Variants in ULK1 observed in about 807,000 individuals in gnomAD.
ULK1 encodes unc-51 like autophagy activating kinase 1.
A neutral mutation model predicts 117.5 loss-of-function variants in ULK1; 48 were observed. The ratio of observed to expected loss-of-function variants is 0.41; its 90% CI spans 0.32 to 0.52. The LOEUF is 0.52. ULK1 is among the 20% of genes least tolerant of loss of function. The probability of loss-of-function intolerance (pLI) is 0.29; values close to 1 mark genes in which losing one functional copy is unlikely to be tolerated. For missense variants in ULK1, 1,387 were observed against 1,473.4 expected, an observed-to-expected ratio of 0.94 and a Z score of 0.96; for synonymous variants, 790 against 637.8, an observed-to-expected ratio of 1.24 and a Z score of -3.60.
At chr12:131,918,724 G>C in intron 23 of ULK1, 43 bp downstream of exon 23, 1 of 1,269,232 alleles carries the variant, frequency 7.9e-7, no homozygotes, top group Non-Finnish European at 1.0e-6. Flanking sequence ...TGGCTGGAGG[G>C]TGTGTGGGGT....
At chr12:131,918,320 G>A (rs1446771250) in intron 22 of ULK1, 177 bp from the exon 23 acceptor site, 5 of 757,542 alleles carry the variant, frequency 6.6e-6, no homozygotes, top group African/African-American at 1.8e-5. Flanking sequence ...GTGGCAAGAG[G>A]TTGAGGAGTG....
In ULK1 at chr12:131,903,794, G is replaced by A. The variant is rs1289422019; in HGVS notation, c.247-3098G>A. On this transcript the variant is annotated intron_variant, in intron 3 of 27. Transcript: ENST00000321867. The surrounding 1 kb of genome is among the most constrained non-coding windows in gnomAD (Gnocchi z 6.0). Reference sequence around the variant, plus strand: ...GCAGGGAAGAGGCTGGAGGTGCTTCGGTCCCACAGCCCCCTGCCCACTCCC... The same window carrying A: ...GCAGGGAAGAGGCTGGAGGTGCTTCAGTCCCACAGCCCCCTGCCCACTCCC... Among the ~76,000 whole-genome samples, 1 of 152,080 alleles carries A rather than the reference G, an allele frequency of 6.6e-6. No homozygotes were observed. The highest frequency in any genetic ancestry group is 1.5e-5 in the Non-Finnish European group (1 of 67,998).
intron 3 of ULK1, chr12:131,898,367 C>A (rs998089548): frequency 6.6e-6 from 1 of 152,154 alleles, no homozygotes; most frequent in Admixed American, 6.5e-5. Context: ...AATGGACCTC[C>A]GGAGAGGCAA....
chr12:131,897,752 A>G (rs1888932384), intron 3 of ULK1: 1 of 149,862 alleles, frequency 6.7e-6, no homozygotes, highest in Non-Finnish European at 1.5e-5. Context: ...AGAAAAAAAA[A>G]GAAAAAAAAT....
rs771972568 is a variant in ULK1 at position 131,916,946 on chromosome 12, C to T, written c.2073-7C>T. The T allele has an allele frequency of 6.2e-7, 1 of 1,608,844 alleles. No individual in the cohort carries two copies. Among genetic ancestry groups the T allele is most frequent in the African/African-American group, 1.3e-5 (1 of 74,880 alleles). Reference sequence around the variant, plus strand: ...GGCACCCAGCACAGCCCTGCACACTCCCACAGGTCTTTCAGCACCAGCCGC... The same window carrying T: ...GGCACCCAGCACAGCCCTGCACACTTCCACAGGTCTTTCAGCACCAGCCGC... On this transcript the variant is annotated splice_polypyrimidine_tract_variant and splice_region_variant and intron_variant, in intron 20 of 27. Transcript: ENST00000321867.
intron 3 of ULK1, among the ~76,000 whole-genome samples, chr12:131,900,451 G>A (rs1490470185): frequency 6.6e-6 from 1 of 152,246 alleles, no homozygotes; most frequent in African/African-American, 2.4e-5. Flanking sequence ...GCCGCTGGGA[G>A]GCGGCTGGAG....
Position 131,895,095 on chromosome 12 carries a change from A to T in ULK1, c.94A>T (p.Lys32Ter). The T allele has an allele frequency of 6.4e-7, 1 of 1,562,554 alleles. No homozygotes were observed. The highest frequency in any genetic ancestry group is 8.6e-7 in the Non-Finnish European group (1 of 1,163,046). ...IGHGAFAVVF[K>*]GRHREKHDLE... ...CCACGGCGCCTTCGCGGTGGTCTTC[A>T]AGGGCCGCCACCGCGAGGTGAGGCC... Residue 32 changes from lysine (K) to a stop codon, truncating the protein, a stop_gained, in exon 1 of 28, where the codon AAG becomes TAG. Transcript: ENST00000321867. LOFTEE classifies it high-confidence loss of function.
At position 131,922,362 on chromosome 12, in the gene ULK1, A is replaced by AC; in HGVS notation, c.*1004dup. The AC allele has an allele frequency of 3.9e-6, 1 of 253,824 alleles. No individual in the cohort carries two copies. 15.7% of individuals were successfully genotyped at this position (253,824 alleles called of 1,614,324 possible). A position where few individuals can be genotyped will look rare whatever the true frequency, so the allele number is the denominator to read the frequency against. ...GCAGCAGGACAGGTGTGTGCCCAGC[A>AC]CCCTCCCTACCTGGGCCTGGAAGCA... On this transcript the variant is annotated 3_prime_UTR_variant, in exon 28 of 28. Coordinates refer to ENST00000321867, the MANE Select transcript of ULK1 (RefSeq NM_003565.4).
Position 131,921,142 on chromosome 12 carries a change from G to T in ULK1, c.3004G>T (p.Gly1002Cys). 1.2e-6 allele frequency: 2 copies of T among 1,603,642 alleles called. No homozygotes were observed. The part of the protein sequence containing the change: ...ALDEMFQHRE[G>C]CVPRYHKALL... ...GGACGAGATGTTCCAGCACCGTGAG[G>T]GCTGCGTCCCACGCTACCACAAGGC... Residue 1002 changes from glycine to cysteine, a missense_variant, in exon 27 of 28, where the codon GGC becomes TGC. This residue lies in a region of ULK1 where 900 missense variants were observed against 858.9 expected (regional missense o/e 1.05). Transcript: ENST00000321867.
chr12:131,917,754 T>A, intron 22 of ULK1, among the ~76,000 whole-genome samples, 200 bp downstream of exon 22: 1 of 152,164 alleles, frequency 6.6e-6, no homozygotes. Flanking sequence ...TATCCACCCC[T>A]CAGACCACCC....
At chr12:131,901,743 G>A (rs1459922127) in intron 3 of ULK1, among the ~76,000 whole-genome samples, 1 of 152,180 alleles carries the variant, frequency 6.6e-6, no homozygotes, top group Non-Finnish European at 1.5e-5. Context: ...GTCCGCGATG[G>A]CTGGGGGTCA....
At chr12:131,915,547 G>T in intron 18 of ULK1, 126 bp downstream of exon 18, 1 of 1,192,632 alleles carries the variant, frequency 8.4e-7, no homozygotes, top group South Asian at 1.5e-5. Flanking sequence ...TGGAACAGAA[G>T]CCAACTGCCT....
intron 18 of ULK1, 87 bp downstream of exon 18, chr12:131,915,508 C>T: frequency 6.8e-7 from 1 of 1,477,502 alleles, no homozygotes. Flanking sequence ...TTGCTCTTTC[C>T]AAGTGAAAAG....
At chr12:131,907,177 G>A (rs764007223) in intron 4 of ULK1, among the ~76,000 whole-genome samples, 9 of 152,130 alleles carry the variant, frequency 5.9e-5, no homozygotes, top group Non-Finnish European at 8.8e-5. Flanking sequence ...GTGCCACCAC[G>A]CCCGGCTAAT....
intron 11 of ULK1, 111 bp downstream of exon 11, chr12:131,910,415 G>T: frequency 6.7e-7 from 1 of 1,499,556 alleles, no homozygotes; most frequent in East Asian, 2.3e-5. Flanking sequence ...CTTGAGCTGC[G>T]GCCAGCTCCC....
Position 131,895,106 on chromosome 12 carries a change from C to T in ULK1, c.105C>T (p.His35=). ...TCGCGGTGGTCTTCAAGGGCCGCCA[C>T]CGCGAGGTGAGGCCCCCGTCCGGCC... ...GAFAVVFKGR[H]REKHDLEVAV... is the part of the protein sequence containing the mutation. The change falls in exon 1 of 28, where the codon CAC becomes CAT. Residue 35 remains histidine, a synonymous_variant. Coordinates refer to ENST00000321867, the MANE Select transcript of ULK1 (RefSeq NM_003565.4). The T allele has an allele frequency of 6.4e-7, 1 of 1,554,670 alleles. No homozygotes were observed.
intron 15 of ULK1, 89 bp from the exon 16 acceptor site, chr12:131,914,263 C>T: frequency 1.9e-6 from 3 of 1,558,762 alleles, no homozygotes; most frequent in Non-Finnish European, 2.6e-6. Context: ...GAAGTCTGGG[C>T]CTAGGCTTTC....
chr12:131,904,617 A>C (rs1677518949), intron 3 of ULK1, among the ~76,000 whole-genome samples: 1 of 152,162 alleles, frequency 6.6e-6, no homozygotes, highest in Non-Finnish European at 1.5e-5. Flanking sequence ...CTCTGCACAC[A>C]TGGGTGTTCC....
chr12:131,908,279 G>GCGGGT (rs1476264774), intron 5 of ULK1, among the ~76,000 whole-genome samples: 1 of 152,132 alleles, frequency 6.6e-6, no homozygotes, highest in Admixed American at 6.5e-5. Context: ...GACTGGGGCT[G>GCGGGT]CGGGTCGGGT....
Sources: gnomAD v4.1 joint callset for allele counts (sites outside exome capture counted in the v4.1 genomes callset) on GRCh38, gnomAD v4.1.1 for gene constraint, gnomAD v4.1.1 regional missense constraint, Gnocchi (gnomAD v3.1) non-coding constraint, MANE v1.5 for transcripts, NCBI Gene and HGNC (gene_info 2026-07-23, HGNC 2026-07-21) for gene names.